Variants in SDR16C5 observed in about 807,000 individuals in gnomAD.
SDR16C5 encodes short chain dehydrogenase/reductase family 16C member 5.
Under a neutral mutation model 27.7 loss-of-function variants are expected in SDR16C5, and 20 were observed. The ratio of observed to expected loss-of-function variants is 0.72; its 90% CI spans 0.51 to 1.05. The LOEUF is 1.05. Ranked by LOEUF, SDR16C5 falls within the 50% of genes least tolerant of loss-of-function variation. The pLI is 0.00. For missense variants in SDR16C5, 374 were observed against 366.3 expected, an observed-to-expected ratio of 1.02 and a Z score of -0.17; for synonymous variants, 139 against 132.3, an observed-to-expected ratio of 1.05 and a Z score of -0.35.
intron 5 of SDR16C5, among the ~76,000 whole-genome samples, chr8:56,306,305 C>G (rs1413487350): frequency 6.6e-6 from 1 of 152,186 alleles, no homozygotes; most frequent in Admixed American, 6.5e-5. Context: ...GTGTATGATA[C>G]TTCATTATAG....
chr8:56,304,506 A>G (rs1235883628), intron 6 of SDR16C5, among the ~76,000 whole-genome samples: 1 of 151,950 alleles, frequency 6.6e-6, no homozygotes, highest in Non-Finnish European at 1.5e-5. Flanking sequence ...AACTCCATGG[A>G]GAGCAGGGAA....
rs544945769 is a variant in SDR16C5, at chr8:56,309,031, A to T, written c.466-4T>A. 6.3e-7 allele frequency: 1 copy of T among 1,589,134 alleles called. No homozygotes were observed. The highest frequency in any genetic ancestry group is 2.2e-5 in the East Asian group (1 of 44,454). ...CAGGTAGAAAGGCTTTATAAGTCTA[A>T]GAATACAAAGGAAAACTTTTAATGT... On this transcript the variant is annotated splice_region_variant and splice_polypyrimidine_tract_variant and intron_variant, in intron 3 of 6. Coordinates refer to ENST00000303749, the MANE Select transcript of SDR16C5 (RefSeq NM_138969.4).
rs1444144111 is a variant in SDR16C5 at position 56,320,092 on chromosome 8, C to T, written c.-48G>A. ...CTCTCCCTAGCTGTCCGCGGAGAAG[C>T]CGGCCTCGTCTGCCCCAGGCACCCG... On this transcript the variant is annotated 5_prime_UTR_variant, in exon 1 of 7. Coordinates refer to ENST00000303749, the MANE Select transcript of SDR16C5 (RefSeq NM_138969.4). 1 of 152,330 alleles carries T rather than the reference C, an allele frequency of 6.6e-6. No individual in the cohort carries two copies. The highest frequency in any genetic ancestry group is 6.5e-5 in the Admixed American group (1 of 15,292). The allele number at this position is 152,330 out of a possible 1,614,324, so 9.4% of individuals were successfully genotyped here. A position where few individuals can be genotyped will look rare whatever the true frequency, so the allele number is the denominator to read the frequency against.
At chr8:56,304,858 C>T (rs1814843388) in intron 6 of SDR16C5, among the ~76,000 whole-genome samples, 2 of 152,084 alleles carry the variant, frequency 1.3e-5, no homozygotes, top group African/African-American at 4.8e-5. Context: ...CAGCCTCAAA[C>T]TCCTGGGCTC....
rs1408305779 is a variant in SDR16C5 at position 56,306,665 on chromosome 8, G to A, written c.710+11C>T. 5.8e-6 allele frequency: 9 copies of A among 1,556,124 alleles called. No individual in the cohort carries two copies. The highest frequency in any genetic ancestry group is 2.5e-5 in the South Asian group (2 of 81,014). ...GAGTGTAGATTCTTTGAAATTAAAG[G>A]ACATACTTACCCTGTAGTACAACCT... On this transcript the variant is annotated intron_variant, in intron 5 of 6. Coordinates refer to ENST00000303749, the MANE Select transcript of SDR16C5 (RefSeq NM_138969.4).
At chr8:56,310,000 G>A (rs1025076720) in intron 3 of SDR16C5, among the ~76,000 whole-genome samples, 2 of 151,382 alleles carry the variant, frequency 1.3e-5, no homozygotes, top group African/African-American at 4.9e-5. Context: ...ATGAGGAGTG[G>A]TAGGAGCCAG....
At chr8:56,306,924 A>G in intron 4 of SDR16C5, 104 bp from the exon 5 acceptor site, 1 of 1,003,690 alleles carries the variant, frequency 1.0e-6, no homozygotes, top group East Asian at 2.6e-5. Flanking sequence ...AGACAATTTC[A>G]GAGTTCTCCT....
intron 5 of SDR16C5, 40 bp from the exon 6 acceptor site, chr8:56,305,762 G>A: frequency 1.3e-6 from 2 of 1,549,540 alleles, no homozygotes; most frequent in Admixed American, 2.3e-5. Flanking sequence ...AAACCCTGAA[G>A]GCCAAATTCA....
chr8:56,305,665 T>C lies in SDR16C5; in HGVS notation c.768A>G (p.Glu256=). The change falls in exon 6 of 7, where the codon GAA becomes GAG. Residue 256 remains glutamate, a synonymous_variant. Transcript: ENST00000303749. ...AGTACATTTTTTCTTGTAGAATAGC[T>C]TCTACTATTTTTTCAACTGCATATT... ...EPKYAVEKIV[E]AILQEKMYLY... 6.2e-7 allele frequency: 1 copy of C among 1,604,166 alleles called. No homozygotes were observed. Among genetic ancestry groups the C allele is most frequent in the Non-Finnish European group, 8.5e-7 (1 of 1,177,150 alleles).
chr8:56,319,875 T>C (rs1386626024), intron 1 of SDR16C5, among the ~76,000 whole-genome samples, 184 bp downstream of exon 1: 1 of 152,146 alleles, frequency 6.6e-6, no homozygotes, highest in African/African-American at 2.4e-5. Flanking sequence ...CGCTCAGCCG[T>C]GCGCTACCCG....
rs1814749150 is a variant in SDR16C5 at position 56,301,356 on chromosome 8, CA to C, written c.*123del. ...TGATTGAAAATTCTAGTCCAGATAA[CA>C]GAATAGGAGTGGTACTTGTGGTCTC... On this transcript the variant is annotated 3_prime_UTR_variant, in exon 7 of 7. Coordinates refer to ENST00000303749, the MANE Select transcript of SDR16C5 (RefSeq NM_138969.4). 3.4e-6 allele frequency: 2 copies of C among 592,736 alleles called. No individual in the cohort carries two copies. The highest frequency in any genetic ancestry group is 6.0e-5 in the South Asian group (2 of 33,602). 36.7% of individuals were successfully genotyped at this position (592,736 alleles called of 1,614,324 possible).
At chr8:56,315,169 CAG>C (rs2129261591) in intron 2 of SDR16C5, among the ~76,000 whole-genome samples, 1 of 151,340 alleles carries the variant, frequency 6.6e-6, no homozygotes, top group Non-Finnish European at 1.5e-5. Context: ...CGCTCGAACC[CAG>C]GAGACAGAGG....
chr8:56,319,118 A>C (rs1815266158), intron 1 of SDR16C5, among the ~76,000 whole-genome samples: 1 of 65,548 alleles, frequency 1.5e-5, no homozygotes, highest in South Asian at 5.6e-4. Context: ...ACCTTCGAAC[A>C]AATTAGAAAA....
Position 56,304,029 on chromosome 8 carries a change from C to T in SDR16C5, c.836+1568G>A, listed in dbSNP as rs1409142369. 3 of 702,912 alleles carry T rather than the reference C, an allele frequency of 4.3e-6. No individual in the cohort carries two copies. In the East Asian group the frequency reaches 8.0e-5, roughly 19 times the overall value. 43.5% of individuals were successfully genotyped at this position (702,912 alleles called of 1,614,324 possible). A position where few individuals can be genotyped will look rare whatever the true frequency, so the allele number is the denominator to read the frequency against. ...CGAATTGCTTGTCCAGGATCCTTTG[C>T]TCTGTCCCACATAGCCTCAGTCAGG... On this transcript the variant is annotated intron_variant, in intron 6 of 6. Transcript: ENST00000303749.
intron 5 of SDR16C5, among the ~76,000 whole-genome samples, chr8:56,305,955 T>G: frequency 6.6e-6 from 1 of 152,338 alleles, no homozygotes; most frequent in Non-Finnish European, 1.5e-5. Flanking sequence ...GATATTACAA[T>G]ATACATATAC....
intron 6 of SDR16C5, among the ~76,000 whole-genome samples, chr8:56,305,378 G>A (rs1271953689): frequency 2.0e-5 from 3 of 152,162 alleles, no homozygotes; most frequent in Non-Finnish European, 4.4e-5. Flanking sequence ...GTGGCAGGAA[G>A]GATTAGACCC....
chr8:56,310,055 T>G (rs1585913172), intron 3 of SDR16C5, among the ~76,000 whole-genome samples: 2 of 128,916 alleles, frequency 1.6e-5, no homozygotes, highest in African/African-American at 3.0e-5. Flanking sequence ...GAAGAGGAGG[T>G]AGAGGAGGAG....
Position 56,316,085 on chromosome 8 carries a change from C to G in SDR16C5, c.263G>C (p.Gly88Ala), listed in dbSNP as rs997430164. The G allele has an allele frequency of 6.2e-7, 1 of 1,614,128 alleles. No individual in the cohort carries two copies. Among genetic ancestry groups the G allele is most frequent in the East Asian group, 2.2e-5 (1 of 44,870 alleles). Residue 88 changes from glycine to alanine, a missense_variant, in exon 2 of 7, where the codon GGA becomes GCA. By Grantham distance (60) the Gly-to-Ala change is moderately conservative. Transcript: ENST00000303749. ...GGTATAGGCGTGCACTCTTGTGGCT[C>G]CAGCTTCCCGAGCCATCTTACATGT... is the stretch of plus-strand genomic sequence containing the variant. Reference protein sequence around the residue: ...EETCKMAREAGATRVHAYTCD... With the variant: ...EETCKMAREAAATRVHAYTCD...
chr8:56,304,019 G>A (rs1185213124), intron 6 of SDR16C5: 1 of 703,026 alleles, frequency 1.4e-6, no homozygotes, highest in South Asian at 1.5e-5. Context: ...TGCTTGTCCA[G>A]GATCCTTTGC....
Sources: gnomAD v4.1 joint callset for allele counts (sites outside exome capture counted in the v4.1 genomes callset) on GRCh38, gnomAD v4.1.1 for gene constraint, MANE v1.5 for transcripts, NCBI Gene and HGNC (gene_info 2026-07-23, HGNC 2026-07-21) for gene names.